Variants in PLBD1 observed in about 807,000 individuals in gnomAD.
PLBD1 encodes the protein lysosomal leucine aminopeptidase.
Under a neutral mutation model 63.0 loss-of-function variants are expected in PLBD1, and 60 were observed. The ratio of observed to expected loss-of-function variants is 0.95; its 90% CI spans 0.77 to 1.18. The LOEUF is 1.18. Ranked by LOEUF, PLBD1 falls within the 50% of genes most tolerant of loss-of-function variation. PLBD1 has a pLI of 0.00. For missense variants in PLBD1, 598 were observed against 677.9 expected (o/e 0.88, Z 1.31); for synonymous variants, 262 against 248.0 (o/e 1.06, Z -0.53).
intron 4 of PLBD1, 141 bp downstream of exon 4, chr12:14,540,623 G>A (rs1945564369): frequency 1.2e-5 from 11 of 900,956 alleles, no homozygotes; most frequent in Middle Eastern, 2.7e-4. Flanking sequence ...CAATATGAGA[G>A]CTATGACAGT....
chr12:14,522,509 A>T (rs949787420), intron 6 of PLBD1, among the ~76,000 whole-genome samples: 26 of 152,206 alleles, frequency 1.7e-4, no homozygotes, highest in African/African-American at 6.3e-4. Context: ...ACATCTTTCT[A>T]TGAGACCAGC....
At chr12:14,524,940 T>G (rs1011525361) in intron 6 of PLBD1, among the ~76,000 whole-genome samples, 18 of 152,110 alleles carry the variant, frequency 1.2e-4, no homozygotes, top group Non-Finnish European at 2.4e-4. Flanking sequence ...AACAGTAAAT[T>G]TGAGATGGCA....
Position 14,506,790 on chromosome 12 carries a change from A to G in PLBD1, c.1372+143T>C, listed in dbSNP as rs1398783495. Reference sequence around the variant, plus strand: ...GAGGCCAAAGCTCTATTTATTGAGTATAAAATGTACAATATTAGTTAAATA... The same window carrying G: ...GAGGCCAAAGCTCTATTTATTGAGTGTAAAATGTACAATATTAGTTAAATA... On this transcript the variant is annotated intron_variant, in intron 9 of 10. Transcript: ENST00000240617. 2.0e-5 allele frequency: 13 copies of G among 641,332 alleles called. No individual in the cohort carries two copies. The African/African-American group carries it at 2.2e-4, about 11-fold the overall frequency. 39.7% of individuals were successfully genotyped at this position (641,332 alleles called of 1,614,324 possible).
At chr12:14,540,053 T>TATATATACACACAC (rs1555147116) in intron 4 of PLBD1, among the ~76,000 whole-genome samples, 22 of 87,322 alleles carry the variant, frequency 2.5e-4, no homozygotes, top group Non-Finnish European at 3.6e-4. Context: ...TATATATATA[T>TATATATACACACAC]ACACACACAC....
chr12:14,551,361 A>AAAAC lies in PLBD1; in HGVS notation c.335+1828_335+1831dup, dbSNP rs1945658032. ...CTGGGCAACAGAGAGACTCTAACTC[A>AAAAC]AAACAAACAAACAATTTTTACTCTA... is the stretch of plus-strand genomic sequence containing the variant. On this transcript the variant is annotated intron_variant, in intron 2 of 10. Coordinates refer to ENST00000240617, the MANE Select transcript of PLBD1 (RefSeq NM_024829.6). Among the ~76,000 whole-genome samples the AAAAC allele has an allele frequency of 6.6e-5, 10 of 152,334 alleles. No homozygotes were observed. In the South Asian group the frequency reaches 2.1e-3, roughly 32 times the overall value.
chr12:14,525,000 C>T (rs187020308), intron 6 of PLBD1, among the ~76,000 whole-genome samples: 5 of 152,192 alleles, frequency 3.3e-5, no homozygotes, highest in Non-Finnish European at 5.9e-5. Context: ...TGGTGGCTCA[C>T]GCCTGTAATC....
chr12:14,515,408 T>C (rs891937552), intron 6 of PLBD1, among the ~76,000 whole-genome samples: 19 of 147,118 alleles, frequency 1.3e-4, no homozygotes, highest in African/African-American at 4.7e-4. Context: ...GAAAGGTACT[T>C]AAAAAAAAAA....
chr12:14,541,648 C>T (rs1945572223), intron 3 of PLBD1, among the ~76,000 whole-genome samples: 1 of 152,160 alleles, frequency 6.6e-6, no homozygotes, highest in Non-Finnish European at 1.5e-5. Flanking sequence ...GAAGAGGTTG[C>T]TTAGAGTGCA....
At chr12:14,529,848 T>C (rs890947805) in intron 6 of PLBD1, among the ~76,000 whole-genome samples, 2 of 152,158 alleles carry the variant, frequency 1.3e-5, no homozygotes, top group African/African-American at 4.8e-5. Flanking sequence ...AGAGATGTCA[T>C]GATTGTATAT....
At chr12:14,523,097 C>G (rs1042194681) in intron 6 of PLBD1, among the ~76,000 whole-genome samples, 3 of 152,018 alleles carry the variant, frequency 2.0e-5, no homozygotes, top group African/African-American at 7.2e-5. Context: ...TAATCTTATA[C>G]AGGGAAAACC....
Position 14,536,603 on chromosome 12 carries a change from T to C in PLBD1, c.666A>G (p.Arg222=), listed in dbSNP as rs757603089. The change falls in exon 5 of 11, where the codon AGA becomes AGG. Residue 222 remains arginine, a synonymous_variant. Coordinates refer to ENST00000240617, the MANE Select transcript of PLBD1 (RefSeq NM_024829.6). ...TKNGSLKVFK[R]WDMGHCSALI... is the part of the protein sequence containing the mutation. ...GAGCGGAGCAATGTCCCATGTCCCA[T>C]CTCTTAAAAACCTTTAGGCTGCCGT... is the stretch of plus-strand genomic sequence containing the variant. 1 of 1,614,156 alleles carries C rather than the reference T, an allele frequency of 6.2e-7. No individual in the cohort carries two copies. The highest frequency in any genetic ancestry group is 1.7e-5 in the Admixed American group (1 of 60,018).
intron 5 of PLBD1, among the ~76,000 whole-genome samples, chr12:14,536,277 C>T (rs867163597): frequency 2.0e-5 from 3 of 152,256 alleles, no homozygotes; most frequent in African/African-American, 4.8e-5. Flanking sequence ...CCAGCCTGGG[C>T]AACAAAGTGA....
chr12:14,555,313 G>A (rs760875754), intron 1 of PLBD1, among the ~76,000 whole-genome samples: 22 of 152,132 alleles, frequency 1.4e-4, no homozygotes, highest in East Asian at 3.9e-4. Flanking sequence ...CAAGGAGGAC[G>A]GATCACCTGA....
chr12:14,525,404 G>A (rs893016371), intron 6 of PLBD1, among the ~76,000 whole-genome samples: 9 of 152,186 alleles, frequency 5.9e-5, no homozygotes, highest in Middle Eastern at 3.4e-3. Flanking sequence ...CCAAAGACTT[G>A]TGCAAAAATG....
chr12:14,517,129 C>T (rs541812480), intron 6 of PLBD1, among the ~76,000 whole-genome samples: 1 of 152,040 alleles, frequency 6.6e-6, no homozygotes, highest in Non-Finnish European at 1.5e-5. Context: ...CCTTTGAGTT[C>T]ACTGCTCTTT....
At chr12:14,505,991 G>T (rs1340553537) in intron 10 of PLBD1, among the ~76,000 whole-genome samples, 171 bp downstream of exon 10, 1 of 152,184 alleles carries the variant, frequency 6.6e-6, no homozygotes. Flanking sequence ...GCAGAGCAGG[G>T]ACTTGAAGTT....
chr12:14,553,695 T>A, intron 1 of PLBD1: 1 of 487,526 alleles, frequency 2.1e-6, no homozygotes, highest in Non-Finnish European at 3.7e-6. Context: ...AGGGTGGGAA[T>A]CTGGGCAGGG....
chr12:14,540,026 ATATATATATATAT>A, intron 4 of PLBD1, among the ~76,000 whole-genome samples: 1 of 13,422 alleles, frequency 7.5e-5, no homozygotes, highest in Non-Finnish European at 8.1e-4. Context: ...ATATATATAT[ATATATATATATAT>A]ATATATATAT....
rs560138631 is a variant in PLBD1, at chr12:14,505,745, G to A, written c.1479+417C>T. Among the ~76,000 whole-genome samples the A allele has an allele frequency of 7.9e-5, 12 of 152,288 alleles. No individual in the cohort carries two copies. In the South Asian group the frequency reaches 2.3e-3, roughly 29 times the overall value. ...TTTGACTCATGTTTAACATGGAATC[G>A]CACTGCTTGAATAATATGTTCTTTG... is the stretch of plus-strand genomic sequence containing the variant. On this transcript the variant is annotated intron_variant, in intron 10 of 10. Transcript: ENST00000240617.
Sources: allele counts gnomAD v4.1 joint callset (sites outside exome capture counted in the v4.1 genomes callset), GRCh38; gene constraint gnomAD v4.1.1; transcripts MANE v1.5; gene names NCBI Gene and HGNC (gene_info 2026-07-23, HGNC 2026-07-21).